IL5: variants seen among roughly 807,000 people sequenced by gnomAD.
IL5 encodes interleukin 5.
A neutral mutation model predicts 16.3 loss-of-function variants in IL5; 12 were observed. That is an observed-to-expected ratio of 0.74 (90% CI 0.47 to 1.20). IL5 has a LOEUF of 1.20. Among genes scored for constraint, IL5 ranks in the 50% most tolerant of loss-of-function variants. The pLI is 0.00. For synonymous variants in IL5, 54 were observed against 56.6 expected, an observed-to-expected ratio of 0.95 and a Z score of 0.21; for missense variants, 159 against 153.9, an observed-to-expected ratio of 1.03 and a Z score of -0.17.
chr5:132,555,157 T>C (rs930361213), intron 1 of IL5, among the ~76,000 whole-genome samples: 18 of 152,226 alleles, frequency 1.2e-4, no homozygotes, highest in Admixed American at 1.2e-3. Context: ...TTCACTCACC[T>C]GCTGCTCACC....
At chr5:132,552,326 G>A (rs995743032) in intron 1 of IL5, among the ~76,000 whole-genome samples, 2 of 151,984 alleles carry the variant, frequency 1.3e-5, no homozygotes, top group Admixed American at 1.3e-4. Context: ...TTCTCTATTA[G>A]GTATAAAACA....
intron 1 of IL5, among the ~76,000 whole-genome samples, chr5:132,550,826 G>T (rs1580969252): frequency 1.3e-5 from 2 of 152,194 alleles, no homozygotes; most frequent in Admixed American, 1.3e-4. Flanking sequence ...GGGAATCAAA[G>T]AGTTTGATAA....
At chr5:132,546,366 A>G (rs920256359), upstream of IL5, among the ~76,000 whole-genome samples, 1 of 152,028 alleles carries the variant, frequency 6.6e-6, no homozygotes, top group African/African-American at 2.4e-5. Context: ...TGTCTTTATG[A>G]ATTTGATGAC....
chr5:132,543,513 G>T lies in IL5; in HGVS notation c.-35C>A. 1.9e-6 allele frequency: 3 copies of T among 1,609,508 alleles called. No homozygotes were observed. Among genetic ancestry groups the T allele is most frequent in the Non-Finnish European group, 2.5e-6 (3 of 1,177,966 alleles). On this transcript the variant is annotated 5_prime_UTR_variant, in exon 1 of 4. Transcript: ENST00000231454. ...ACGTTCTGCGTTTGCCTTTGGCAAA[G>T]AAAGTGCATAGTACAAGACTGCGTC...
intron 2 of IL5, among the ~76,000 whole-genome samples, chr5:132,542,425 G>A (rs1413898337): frequency 6.6e-6 from 1 of 152,174 alleles, no homozygotes; most frequent in East Asian, 1.9e-4. Context: ...TTTTCAAAAA[G>A]TAGATGAAGC....
At chr5:132,543,289 A>C (rs776665689) in intron 1 of IL5, 46 bp downstream of exon 1, 4 of 1,548,172 alleles carry the variant, frequency 2.6e-6, no homozygotes, top group Non-Finnish European at 3.6e-6. Flanking sequence ...ATCACAAATG[A>C]TTACCTATGC....
chr5:132,555,211 T>C (rs537272257), intron 1 of IL5, among the ~76,000 whole-genome samples: 65 of 152,314 alleles, frequency 4.3e-4, no homozygotes, highest in African/African-American at 1.5e-3. Flanking sequence ...GTATGCATAC[T>C]GGTCAGTGAC....
chr5:132,554,855 C>G (rs1749946901), intron 1 of IL5, among the ~76,000 whole-genome samples: 1 of 152,182 alleles, frequency 6.6e-6, no homozygotes, highest in Admixed American at 6.5e-5. Flanking sequence ...CTTATTCAAC[C>G]TTAAAAACGA....
Position 132,543,519 on chromosome 5 carries a change from G to T in IL5, c.-41C>A, listed in dbSNP as rs769505619. 5.0e-6 allele frequency: 8 copies of T among 1,607,790 alleles called. No individual in the cohort carries two copies. Among genetic ancestry groups the T allele is most frequent in the Non-Finnish European group, 5.1e-6 (6 of 1,176,968 alleles). On this transcript the variant is annotated 5_prime_UTR_variant, in exon 1 of 4. Transcript: ENST00000231454. ...TGCGTTTGCCTTTGGCAAAGAAAGT[G>T]CATAGTACAAGACTGCGTCCCCAGT...
Position 132,541,905 on chromosome 5 carries a change from T to C in IL5, c.311A>G (p.Lys104Arg), listed in dbSNP as rs1166104273. The change falls in exon 4 of 4, where the codon AAG becomes AGG. Residue 104 changes from lysine (K) to arginine (R), a missense_variant. Coordinates refer to ENST00000231454, the MANE Select transcript of IL5 (RefSeq NM_000879.3). ...IKKYIDGQKKKCGEERRRVNQ... is the reference protein window; with the variant it reads ...IKKYIDGQKKRCGEERRRVNQ... The stretch of plus-strand genomic sequence containing the variant: ...TACTCTCCGTCTTTCTTCTCCACAC[T>C]TTTTCTGTGAAAAAAGAAAAATGAC... 1 of 1,612,708 alleles carries C rather than the reference T, an allele frequency of 6.2e-7. No homozygotes were observed. The highest frequency in any genetic ancestry group is 2.2e-5 in the East Asian group (1 of 44,838).
chr5:132,542,822 C>A (rs1749719358), intron 2 of IL5, among the ~76,000 whole-genome samples: 1 of 152,202 alleles, frequency 6.6e-6, no homozygotes, highest in African/African-American at 2.4e-5. Context: ...ACCTCTCACT[C>A]AGTGTGGAAT....
chr5:132,555,982 CG>C (rs1427128210), intron 1 of IL5: 2 of 19,020 alleles, frequency 1.1e-4, no homozygotes, highest in East Asian at 0.062. Context: ...TGACACTTTC[CG>C]GTTTTTTTTA....
intron 1 of IL5, among the ~76,000 whole-genome samples, chr5:132,555,085 G>C (rs1257678380): frequency 6.6e-6 from 1 of 152,104 alleles, no homozygotes; most frequent in Non-Finnish European, 1.5e-5. Context: ...TCAAAATACG[G>C]TTTGTGCTCC....
intron 1 of IL5, among the ~76,000 whole-genome samples, chr5:132,554,128 G>A (rs925816573): frequency 1.3e-5 from 2 of 151,904 alleles, no homozygotes; most frequent in East Asian, 3.9e-4. Flanking sequence ...AGCACTTTGG[G>A]AGGCCGAGGC....
In IL5 at chr5:132,543,321, A is replaced by C; in HGVS notation, c.144+14T>G. On this transcript the variant is annotated intron_variant, in intron 1 of 3. Coordinates refer to ENST00000231454, the MANE Select transcript of IL5 (RefSeq NM_000879.3). ...ATGCACTTTACAGACTGTAGGAATC[A>C]TAAAGAAAATTACCTCATTGGCTAT... The C allele has an allele frequency of 6.2e-7, 1 of 1,611,998 alleles. No individual in the cohort carries two copies. The highest frequency in any genetic ancestry group is 8.5e-7 in the Non-Finnish European group (1 of 1,178,210).
At chr5:132,544,958 G>A (rs865795478), upstream of IL5, among the ~76,000 whole-genome samples, 5 of 152,138 alleles carry the variant, frequency 3.3e-5, no homozygotes, top group African/African-American at 7.2e-5. Context: ...TTTCAGTGGC[G>A]GCCTTCTTGT....
intron 1 of IL5, among the ~76,000 whole-genome samples, chr5:132,552,742 A>G (rs1234068394): frequency 1.3e-5 from 2 of 152,054 alleles, no homozygotes; most frequent in Non-Finnish European, 2.9e-5. Flanking sequence ...AACAAGAATT[A>G]TTATTATTTT....
At chr5:132,543,694 G>T, upstream of IL5, 1 of 391,786 alleles carries the variant, frequency 2.6e-6, no homozygotes, top group Non-Finnish European at 4.4e-6. Flanking sequence ...AAAAATCCCT[G>T]TTTCCCCCCT....
At chr5:132,551,432 A>G (rs1749881193) in intron 1 of IL5, among the ~76,000 whole-genome samples, 1 of 152,168 alleles carries the variant, frequency 6.6e-6, no homozygotes, top group Admixed American at 6.5e-5. Context: ...GAGTTTGCAC[A>G]TTTCCTAATG....
Sources: gnomAD v4.1 joint callset for allele counts (sites outside exome capture counted in the v4.1 genomes callset) on GRCh38, gnomAD v4.1.1 for gene constraint, MANE v1.5 for transcripts, NCBI Gene and HGNC (gene_info 2026-07-23, HGNC 2026-07-21) for gene names.